Variants in TNRC6A observed in about 807,000 individuals in gnomAD.
TNRC6A encodes trinucleotide repeat containing adaptor 6A, also known as trinucleotide repeat-containing gene 6A protein.
A neutral mutation model predicts 221.2 loss-of-function variants in TNRC6A; 44 were observed. The ratio of observed to expected loss-of-function variants is 0.20; its 90% CI spans 0.16 to 0.26. TNRC6A has a LOEUF of 0.26. Ranked by LOEUF, TNRC6A falls within the 10% of genes least tolerant of loss-of-function variation. TNRC6A has a pLI of 1.00. For missense variants in TNRC6A, 2,199 were observed against 2,404.4 expected (o/e 0.91, Z 1.79); for synonymous variants, 847 against 838.5 (o/e 1.01, Z -0.18).
chr16:24,675,700 CTCTATATATATATATATATATA>C (rs1469819189), intron 2 of TNRC6A, among the ~76,000 whole-genome samples: 10 of 54,878 alleles, frequency 1.8e-4, no homozygotes, highest in African/African-American at 6.1e-4. Flanking sequence ...CTCTCTCTCT[CTCTATATATATATATATATATA>C]TATATATATA....
At chr16:24,659,529 G>A (rs2054985551) in intron 2 of TNRC6A, among the ~76,000 whole-genome samples, 1 of 152,020 alleles carries the variant, frequency 6.6e-6, no homozygotes, top group East Asian at 1.9e-4. Context: ...GGCAGCCTCT[G>A]TCCCCTGGGC....
chr16:24,617,981 T>C (rs1900459665), intron 1 of TNRC6A, among the ~76,000 whole-genome samples: 1 of 152,210 alleles, frequency 6.6e-6, no homozygotes, highest in Non-Finnish European at 1.5e-5. Flanking sequence ...GCTCGTAACC[T>C]CTGCCTCCCA....
intron 2 of TNRC6A, among the ~76,000 whole-genome samples, chr16:24,715,743 A>G (rs7188873): frequency 0.67 from 101,622 of 151,468 alleles, 34,571 homozygotes; most frequent in East Asian, 0.89. Flanking sequence ...TCTGCCTCCC[A>G]AGTAGCTGGG....
intron 3 of TNRC6A, among the ~76,000 whole-genome samples, chr16:24,754,156 G>T (rs897045368): frequency 6.6e-6 from 1 of 151,890 alleles, no homozygotes; most frequent in African/African-American, 2.4e-5. Context: ...TAGCCACTGT[G>T]GTTTTTTTAA....
chr16:24,611,208 C>G (rs1026607292), intron 1 of TNRC6A, among the ~76,000 whole-genome samples: 3 of 152,130 alleles, frequency 2.0e-5, no homozygotes, highest in African/African-American at 7.2e-5. Flanking sequence ...AATTATTTTT[C>G]TGGATACCTA....
At chr16:24,728,629 A>G (rs1363366526), upstream of TNRC6A, among the ~76,000 whole-genome samples, 1 of 152,196 alleles carries the variant, frequency 6.6e-6, no homozygotes, top group Non-Finnish European at 1.5e-5. Flanking sequence ...GGTTGGAAAG[A>G]ACACACGCAA....
chr16:24,626,707 T>C (rs1362000828), intron 1 of TNRC6A, among the ~76,000 whole-genome samples: 1 of 149,534 alleles, frequency 6.7e-6, no homozygotes, highest in Non-Finnish European at 1.5e-5. Context: ...TGGAATGCAG[T>C]GGCACTATCT....
Position 24,791,292 on chromosome 16 carries a change from G to A in TNRC6A, c.2650G>A (p.Val884Ile), listed in dbSNP as rs139177520. 2.7e-5 allele frequency: 44 copies of A among 1,612,678 alleles called. No homozygotes were observed. Among genetic ancestry groups the A allele is most frequent in the Middle Eastern group, 1.7e-4 (1 of 6,050 alleles). Residue 884 changes from valine to isoleucine, a missense_variant, in exon 6 of 25, where the codon GTT becomes ATT. Around this residue, in one of 8 missense-constraint regions of TNRC6A, gnomAD observed 1,405 missense variants for 1,400.2 expected, o/e 1.00. Coordinates refer to ENST00000395799, the MANE Select transcript of TNRC6A (RefSeq NM_014494.4). ...AGGAGGTAGTGACAGTGACAGGTCC[G>A]TTTCCGGTTGGAACGAACTTGGTAA... ...SSGGSDSDRS[V>I]SGWNELGKTS...
At chr16:24,614,896 C>T (rs555939419) in intron 1 of TNRC6A, among the ~76,000 whole-genome samples, 3 of 152,212 alleles carry the variant, frequency 2.0e-5, no homozygotes, top group African/African-American at 7.2e-5. Flanking sequence ...ACAGTGAAAC[C>T]TCGTCTCTAC....
chr16:24,629,959 T>A (rs1901247400), intron 1 of TNRC6A, among the ~76,000 whole-genome samples: 1 of 146,952 alleles, frequency 6.8e-6, no homozygotes, highest in Non-Finnish European at 1.5e-5. Context: ...GGTGACAGAG[T>A]GAGACCCTGT....
chr16:24,760,731 CTT>C (rs35089799), intron 4 of TNRC6A, among the ~76,000 whole-genome samples: 10,243 of 152,118 alleles, frequency 0.067, 846 homozygotes, highest in East Asian at 0.35. Context: ...GTTTACTAAA[CTT>C]TGTATTTTGG....
chr16:24,715,631 T>A (rs77042355), intron 2 of TNRC6A, among the ~76,000 whole-genome samples: 5 of 150,426 alleles, frequency 3.3e-5, no homozygotes, highest in Non-Finnish European at 7.4e-5. Flanking sequence ...TCTTTTTTTT[T>A]AATTAAGACG....
intron 4 of TNRC6A, among the ~76,000 whole-genome samples, chr16:24,775,453 A>G (rs1316036835): frequency 6.6e-6 from 1 of 152,234 alleles, no homozygotes; most frequent in African/African-American, 2.4e-5. Flanking sequence ...GACATAGACT[A>G]AATTTACCAG....
chr16:24,763,775 G>C (rs1021110176), intron 4 of TNRC6A, among the ~76,000 whole-genome samples: 1 of 151,974 alleles, frequency 6.6e-6, no homozygotes. Context: ...TCTTTATTTT[G>C]GTAAAGGTAA....
At chr16:24,664,628 T>G (rs1167792436) in intron 2 of TNRC6A, among the ~76,000 whole-genome samples, 3 of 132,330 alleles carry the variant, frequency 2.3e-5, no homozygotes, top group Admixed American at 7.5e-5. Flanking sequence ...TATAAATATA[T>G]ATTATTAATA....
chr16:24,701,079 G>A (rs117033824), intron 2 of TNRC6A, among the ~76,000 whole-genome samples: 3,382 of 152,348 alleles, frequency 0.022, 67 homozygotes, highest in Middle Eastern at 0.048. Context: ...CTGGGAGGAA[G>A]GGTGCCAAAA....
chr16:24,610,971 C>T (rs1237736735), intron 1 of TNRC6A, among the ~76,000 whole-genome samples: 1 of 152,044 alleles, frequency 6.6e-6, no homozygotes, highest in Non-Finnish European at 1.5e-5. Flanking sequence ...CCGCCACACC[C>T]GTCTAATTTT....
At chr16:24,657,724 A>G (rs539707166) in intron 2 of TNRC6A, among the ~76,000 whole-genome samples, 350 of 151,526 alleles carry the variant, frequency 2.3e-3, no homozygotes, top group African/African-American at 8.3e-3. Flanking sequence ...AAAAAAAAAA[A>G]TGGAAATAAA....
intron 2 of TNRC6A, among the ~76,000 whole-genome samples, chr16:24,710,738 T>C (rs1479586674): frequency 6.6e-6 from 1 of 152,110 alleles, no homozygotes; most frequent in Non-Finnish European, 1.5e-5. Flanking sequence ...TTTTTTTTTT[T>C]TGAGATGAAG....
Sources: gnomAD v4.1 joint callset for allele counts (sites outside exome capture counted in the v4.1 genomes callset) on GRCh38, gnomAD v4.1.1 for gene constraint, gnomAD v4.1.1 regional missense constraint, MANE v1.5 for transcripts, NCBI Gene and HGNC (gene_info 2026-07-23, HGNC 2026-07-21) for gene names.